ERAL1: variants seen among roughly 807,000 people sequenced by gnomAD.
ERAL1 encodes the protein Era like 12S mitochondrial rRNA chaperone 1.
In ERAL1, 36 loss-of-function variants were observed where a neutral mutation model predicts 53.6. That is an observed-to-expected ratio of 0.67 (90% CI 0.51 to 0.89). ERAL1 has a LOEUF of 0.89. ERAL1 is among the 40% of genes least tolerant of loss of function. ERAL1 has a pLI of 0.00. For missense variants in ERAL1, 512 were observed against 537.5 expected (o/e 0.95, Z 0.47); for synonymous variants, 215 against 211.8 (o/e 1.02, Z -0.13).
chr17:28,858,521 C>G, intron 6 of ERAL1, 35 bp downstream of exon 6: 1 of 1,614,018 alleles, frequency 6.2e-7, no homozygotes, highest in East Asian at 2.2e-5. Context: ...GGGTCTACTT[C>G]CCTCCAAGTC....
intron 8 of ERAL1, 26 bp downstream of exon 8, chr17:28,859,139 T>C (rs1413449591): frequency 9.9e-6 from 16 of 1,613,856 alleles, no homozygotes; most frequent in African/African-American, 1.3e-5. Flanking sequence ...TTCTGGGGGC[T>C]CTCTATCAGA....
intron 9 of ERAL1, 40 bp downstream of exon 9, chr17:28,859,323 T>A: frequency 6.2e-7 from 1 of 1,600,012 alleles, no homozygotes; most frequent in African/African-American, 1.3e-5. Context: ...CAAGACTATG[T>A]TAGGCAGGAG....
chr17:28,859,828 A>T (rs114207528), intron 9 of ERAL1, among the ~76,000 whole-genome samples: 2,971 of 151,666 alleles, frequency 0.02, 81 homozygotes, highest in African/African-American at 0.068. Context: ...CCGCTAATTT[A>T]AAAAAATTTT....
chr17:28,856,344 C>T lies in ERAL1; in HGVS notation c.364C>T (p.Pro122Ser), dbSNP rs1367253715. The T allele has an allele frequency of 6.2e-7, 1 of 1,613,992 alleles. No individual in the cohort carries two copies. Among genetic ancestry groups the T allele is most frequent in the African/African-American group, 1.3e-5 (1 of 74,898 alleles). The part of the protein sequence containing the change: ...RVLRVVLLGA[P>S]NAGKSTLSNQ... ...CCTACGAGTGGTCCTCCTGGGAGCC[C>T]CGAATGCAGGGAAGTCAACACTCTC... The change falls in exon 2 of 10, where the codon CCG becomes TCG. Residue 122 changes from proline (P) to serine (S), a missense_variant. Physicochemically the swap from Pro to Ser is moderately conservative, Grantham distance 74. Coordinates refer to ENST00000254928, the MANE Select transcript of ERAL1 (RefSeq NM_005702.4).
rs753951134 is a variant in ERAL1 at position 28,855,030 on chromosome 17, C to A, written c.-5C>A. On this transcript the variant is annotated 5_prime_UTR_variant, in exon 1 of 10. In the 5' UTR this introduces an upstream ATG that the reference lacks. Transcript: ENST00000254928. The stretch of plus-strand genomic sequence containing the variant: ...GGTCGGTTCCCGCAGTGCCTTGCGG[C>A]TGTAATGGCTGCCCCCAGCTGGCGC... 1 of 1,581,188 alleles carries A rather than the reference C, an allele frequency of 6.3e-7. No individual in the cohort carries two copies. Among genetic ancestry groups the A allele is most frequent in the South Asian group, 1.1e-5 (1 of 87,590 alleles).
chr17:28,856,504 G>C lies in ERAL1; in HGVS notation c.412-1G>C. The C allele has an allele frequency of 6.2e-7, 1 of 1,613,770 alleles. No homozygotes were observed. The highest frequency in any genetic ancestry group is 8.5e-7 in the Non-Finnish European group (1 of 1,179,820). Reference sequence around the variant, plus strand: ...CACTGAGACTCCTTTGTTCCTGGCAGGTGTTCCCTGTTTCCAGGAAGGTGC... The same window carrying C: ...CACTGAGACTCCTTTGTTCCTGGCACGTGTTCCCTGTTTCCAGGAAGGTGC... On this transcript the variant is annotated splice_acceptor_variant, in intron 2 of 9. Coordinates refer to ENST00000254928, the MANE Select transcript of ERAL1 (RefSeq NM_005702.4). LOFTEE classifies it high-confidence loss of function.
intron 3 of ERAL1, among the ~76,000 whole-genome samples, 185 bp from the exon 4 acceptor site, chr17:28,857,754 T>C (rs778148782): frequency 6.6e-6 from 1 of 152,096 alleles, no homozygotes; most frequent in Non-Finnish European, 1.5e-5. Context: ...ATTGTGCCAC[T>C]GCACTCCAGC....
rs772772053 is a variant in ERAL1, at chr17:28,856,517, T to C, written c.424T>C (p.Ser142Pro). Residue 142 changes from serine (S) to proline (P), a missense_variant, in exon 3 of 10, where the codon TCC (serine) becomes CCC (proline). By Grantham distance (74) the Ser-to-Pro change is moderately conservative. Coordinates refer to ENST00000254928, the MANE Select transcript of ERAL1 (RefSeq NM_005702.4). ...QLLGRKVFPV[S>P]RKVHTTRCQA... ...TTGTTCCTGGCAGGTGTTCCCTGTT[T>C]CCAGGAAGGTGCATACTACTCGCTG... 4.3e-6 allele frequency: 7 copies of C among 1,613,798 alleles called. No homozygotes were observed. Among genetic ancestry groups the C allele is most frequent in the Non-Finnish European group, 5.9e-6 (7 of 1,179,858 alleles).
chr17:28,860,513 G>A lies in ERAL1; in HGVS notation c.1274G>A (p.Cys425Tyr), dbSNP rs755572151. ...AGHDLMDIFL[C>Y]DVDIRLSVKL... ...CATGACCTCATGGACATCTTCCTCTGCGATGTTGACATCCGCCTCTCTGTG... is the reference window on the plus strand; with the variant it reads ...CATGACCTCATGGACATCTTCCTCTACGATGTTGACATCCGCCTCTCTGTG... The change falls in exon 10 of 10, where the codon TGC (cysteine) becomes TAC (tyrosine). Residue 425 changes from cysteine (C) to tyrosine (Y), a missense_variant. Physicochemically the swap from Cys to Tyr is radical, Grantham distance 194. Coordinates refer to ENST00000254928, the MANE Select transcript of ERAL1 (RefSeq NM_005702.4). The A allele has an allele frequency of 2.5e-6, 4 of 1,606,850 alleles. No individual in the cohort carries two copies. Among genetic ancestry groups the A allele is most frequent in the Non-Finnish European group, 3.4e-6 (4 of 1,177,202 alleles).
At chr17:28,859,570 C>G (rs2039282168) in intron 9 of ERAL1, among the ~76,000 whole-genome samples, 1 of 151,200 alleles carries the variant, frequency 6.6e-6, no homozygotes, top group Middle Eastern at 3.2e-3. Context: ...GACAAAGTCT[C>G]ACTCTGTCAT....
Position 28,855,193 on chromosome 17 carries a change from T to C in ERAL1, c.159T>C (p.Ser53=). The C allele has an allele frequency of 6.2e-7, 1 of 1,614,252 alleles. No homozygotes were observed. The highest frequency in any genetic ancestry group is 8.5e-7 in the Non-Finnish European group (1 of 1,180,046). Residue 53 remains serine, a synonymous_variant, in exon 1 of 10, where the codon TCT becomes TCC. Transcript: ENST00000254928. ...CVSCVAGSAF[S]GPRLASASRS... ...CCTGCGTCGCGGGGTCCGCTTTCTC[T>C]GGTCCCCGCTTGGCCTCGGCTTCTC...
Position 28,860,448 on chromosome 17 carries a change from G to A in ERAL1, c.1209G>A (p.Pro403=), listed in dbSNP as rs139144289. 52 of 1,611,488 alleles carry A rather than the reference G, an allele frequency of 3.2e-5. No individual in the cohort carries two copies. Among genetic ancestry groups the A allele is most frequent in the Admixed American group, 1.0e-4 (6 of 59,608 alleles). The change falls in exon 10 of 10, where the codon CCG becomes CCA. Residue 403 remains proline, a synonymous_variant. Transcript: ENST00000254928. ...ACCCTCAGAAACTCCTGATTGGTCC[G>A]AAGGGCCACGTGATCTCCCAGATAG... The part of the protein sequence containing the change: ...KESYVKLLIG[P]KGHVISQIAQ...
intron 1 of ERAL1, 128 bp from the exon 2 acceptor site, chr17:28,856,136 G>A (rs1041244714): frequency 1.6e-5 from 17 of 1,040,316 alleles, no homozygotes; most frequent in Non-Finnish European, 2.4e-5. Flanking sequence ...CTCAAAGTCA[G>A]CTCTAGGTGA....
At chr17:28,856,639 C>T in intron 3 of ERAL1, 57 bp downstream of exon 3, 1 of 1,473,076 alleles carries the variant, frequency 6.8e-7, no homozygotes, top group Non-Finnish European at 9.5e-7. Context: ...CTAAGAGGGT[C>T]TCCCTTACCA....
At chr17:28,857,232 C>T (rs1030686664) in intron 3 of ERAL1, among the ~76,000 whole-genome samples, 22 of 150,750 alleles carry the variant, frequency 1.5e-4, no homozygotes, top group Non-Finnish European at 2.5e-4. Context: ...CTCAGCCTCC[C>T]GAGTAGCTGG....
Position 28,858,049 on chromosome 17 carries a change from T to TTATAGGGGCTGC in ERAL1, c.536+75_536+76insCTATAGGGGCTG. ...ACTGAAAGAGGGTGGGGAGATTCCA[T>TTATAGGGGCTGC]TATAGGGGCTGGAAAACCCCTTTAC... is the stretch of plus-strand genomic sequence containing the variant. On this transcript the variant is annotated intron_variant, in intron 4 of 9. Coordinates refer to ENST00000254928, the MANE Select transcript of ERAL1 (RefSeq NM_005702.4). The TTATAGGGGCTGC allele has an allele frequency of 1.9e-6, 3 of 1,612,796 alleles. No homozygotes were observed. In the South Asian group the frequency reaches 3.3e-5, roughly 18 times the overall value.
At position 28,860,665 on chromosome 17, in the gene ERAL1, G is replaced by C. The variant is rs2039297654; in HGVS notation, c.*112G>C. On this transcript the variant is annotated 3_prime_UTR_variant, in exon 10 of 10. Coordinates refer to ENST00000254928, the MANE Select transcript of ERAL1 (RefSeq NM_005702.4). ...GGCACTGGTGAGAGACATGAACACT[G>C]ACTGGCCACTAGCTGGCCTGGCCCT... 2 of 1,359,368 alleles carry C rather than the reference G, an allele frequency of 1.5e-6. No homozygotes were observed. The highest frequency in any genetic ancestry group is 1.9e-6 in the Non-Finnish European group (2 of 1,026,436). 84.2% of individuals were successfully genotyped at this position (1,359,368 alleles called of 1,614,324 possible).
In ERAL1 at chr17:28,855,234, G is replaced by C; in HGVS notation, c.200G>C (p.Gly67Ala). 1 of 1,614,230 alleles carries C rather than the reference G, an allele frequency of 6.2e-7. No individual in the cohort carries two copies. The highest frequency in any genetic ancestry group is 8.5e-7 in the Non-Finnish European group (1 of 1,180,036). ...TCGGCTTCTCGCAGTAATGGCCAGG[G>C]CTCTGCCCTGGACCACTTCCTCGGA... is the stretch of plus-strand genomic sequence containing the variant. Reference protein sequence around the residue: ...LASASRSNGQGSALDHFLGFS... With the variant: ...LASASRSNGQASALDHFLGFS... The change falls in exon 1 of 10, where the codon GGC (glycine) becomes GCC (alanine). Residue 67 changes from glycine (G) to alanine (A), a missense_variant. Physicochemically the swap from Gly to Ala is moderately conservative, Grantham distance 60. Transcript: ENST00000254928.
At position 28,857,972 on chromosome 17, in the gene ERAL1, G is replaced by A; in HGVS notation, c.523G>A (p.Gly175Ser). Residue 175 changes from glycine to serine, a missense_variant, in exon 4 of 10, where the codon GGT becomes AGT. Physicochemically the swap from Gly to Ser is moderately conservative, Grantham distance 56. Transcript: ENST00000254928. ...LLDTPGIISPGKQKRHHLELS... is the reference protein window; with the variant it reads ...LLDTPGIISPSKQKRHHLELS... ...TGACACACCTGGCATTATCAGTCCT[G>A]GTAAACAGAAGAGGTAATGGTGGTG... is the stretch of plus-strand genomic sequence containing the variant. The A allele has an allele frequency of 2.5e-6, 4 of 1,614,124 alleles. No individual in the cohort carries two copies. The highest frequency in any genetic ancestry group is 3.4e-6 in the Non-Finnish European group (4 of 1,180,024).
Sources: allele counts gnomAD v4.1 joint callset (sites outside exome capture counted in the v4.1 genomes callset), GRCh38; gene constraint gnomAD v4.1.1; transcripts MANE v1.5; gene names NCBI Gene and HGNC (gene_info 2026-07-23, HGNC 2026-07-21).